POLA2: variants seen among roughly 807,000 people sequenced by gnomAD.
POLA2 encodes the protein DNA polymerase alpha subunit B.
Under a neutral mutation model 82.8 loss-of-function variants are expected in POLA2, and 47 were observed. The observed-to-expected ratio is 0.57, with a 90% confidence interval of 0.45 to 0.72. The LOEUF is 0.72. POLA2 is among the 30% of genes least tolerant of loss of function. POLA2 has a pLI of 0.00. For missense variants in POLA2, 634 were observed against 728.1 expected, an observed-to-expected ratio of 0.87 and a Z score of 1.49; for synonymous variants, 287 against 286.8, an observed-to-expected ratio of 1.00 and a Z score of -0.01.
At position 65,262,387 on chromosome 11, in the gene POLA2, C is replaced by G. The variant is rs528275866; in HGVS notation, c.79+16C>G. On this transcript the variant is annotated intron_variant, in intron 1 of 17. Coordinates refer to ENST00000265465, the MANE Select transcript of POLA2 (RefSeq NM_002689.4). Reference sequence around the variant, plus strand: ...ATTGAGAAATGTGAGTCCCGCACCCCTCCCGCCCTGCAGCCGTGCTCCACG... The same window carrying G: ...ATTGAGAAATGTGAGTCCCGCACCCGTCCCGCCCTGCAGCCGTGCTCCACG... 6.2e-7 allele frequency: 1 copy of G among 1,602,770 alleles called. No individual in the cohort carries two copies. Among genetic ancestry groups the G allele is most frequent in the African/African-American group, 1.3e-5 (1 of 74,558 alleles).
At chr11:65,279,742 T>A in intron 7 of POLA2, 116 bp downstream of exon 7, 2 of 725,746 alleles carry the variant, frequency 2.8e-6, no homozygotes, top group Non-Finnish European at 4.6e-6. Flanking sequence ...TTTGAACATC[T>A]GTCTTGGTTG....
chr11:65,289,988 C>G, intron 13 of POLA2, 116 bp downstream of exon 13: 1 of 653,436 alleles, frequency 1.5e-6, no homozygotes, highest in Non-Finnish European at 2.7e-6. Context: ...GTGGATCACA[C>G]CTGTAATCCC....
chr11:65,277,411 C>T (rs1949593345), intron 5 of POLA2, among the ~76,000 whole-genome samples: 1 of 152,136 alleles, frequency 6.6e-6, no homozygotes. Flanking sequence ...CTCCTGGCCT[C>T]AAGCAATCTG....
rs1949791766 is a variant in POLA2, at chr11:65,294,690, G to C, written c.1460+38G>C. ...TTCCAGGCCCCAAGCAGGATGACTG[G>C]CTTTCTGGTCCCAGCCCTTTCTGCA... is the stretch of plus-strand genomic sequence containing the variant. On this transcript the variant is annotated intron_variant, in intron 15 of 17. Coordinates refer to ENST00000265465, the MANE Select transcript of POLA2 (RefSeq NM_002689.4). 2.9e-6 allele frequency: 4 copies of C among 1,398,050 alleles called. No individual in the cohort carries two copies. The East Asian group carries it at 6.9e-5, about 24-fold the overall frequency. The allele number at this position is 1,398,050 out of a possible 1,614,324, so 86.6% of individuals were successfully genotyped here.
intron 4 of POLA2, among the ~76,000 whole-genome samples, chr11:65,273,335 CA>C (rs1565472667): frequency 6.6e-6 from 1 of 152,016 alleles, no homozygotes; most frequent in Non-Finnish European, 1.5e-5. Context: ...ACAACAACAA[CA>C]AAAAAACATG....
chr11:65,292,809 G>A (rs1358859979), intron 13 of POLA2, among the ~76,000 whole-genome samples: 2 of 152,232 alleles, frequency 1.3e-5, no homozygotes, highest in Non-Finnish European at 2.9e-5. Flanking sequence ...ATGTATGCCT[G>A]AGAAGTCCAC....
At chr11:65,300,940 A>T (rs974142416), downstream of POLA2, among the ~76,000 whole-genome samples, 5 of 152,222 alleles carry the variant, frequency 3.3e-5, no homozygotes, top group Non-Finnish European at 7.3e-5. Context: ...AGCAGCATGT[A>T]TCAGTCCGCC....
At chr11:65,266,834 T>C in intron 2 of POLA2, 128 bp downstream of exon 2, 1 of 841,246 alleles carries the variant, frequency 1.2e-6, no homozygotes, top group Non-Finnish European at 1.9e-6. Flanking sequence ...CAGTGTGAGC[T>C]TGGACAAACT....
intron 5 of POLA2, among the ~76,000 whole-genome samples, chr11:65,277,977 A>T (rs1009519896): frequency 2.6e-5 from 4 of 152,230 alleles, no homozygotes; most frequent in Admixed American, 6.5e-5. Context: ...CCCCACATAA[A>T]ACTGGTTCCC....
At chr11:65,295,777 G>A in intron 16 of POLA2, 87 bp from the exon 17 acceptor site, 1 of 1,511,686 alleles carries the variant, frequency 6.6e-7, no homozygotes, top group Non-Finnish European at 9.1e-7. Flanking sequence ...GATGCCAGCA[G>A]CACGAAAGCC....
intron 1 of POLA2, among the ~76,000 whole-genome samples, chr11:65,265,152 C>T (rs1054126928): frequency 4.7e-5 from 7 of 147,600 alleles, no homozygotes; most frequent in Non-Finnish European, 6.0e-5. Flanking sequence ...TCGCTTGAAT[C>T]GGGGAGGTGG....
chr11:65,278,287 C>T (rs1190307494), intron 5 of POLA2, among the ~76,000 whole-genome samples: 1 of 152,082 alleles, frequency 6.6e-6, no homozygotes, highest in Non-Finnish European at 1.5e-5. Flanking sequence ...TACCTTGAAC[C>T]ATATTGTGAG....
intron 13 of POLA2, among the ~76,000 whole-genome samples, chr11:65,293,027 C>A (rs1201739756): frequency 6.6e-6 from 1 of 152,204 alleles, no homozygotes; most frequent in Non-Finnish European, 1.5e-5. Context: ...CTTTCTTCTT[C>A]ACTTGTATGT....
Position 65,282,575 on chromosome 11 carries a change from T to A in POLA2, c.1006+54T>A, listed in dbSNP as rs191119371. On this transcript the variant is annotated intron_variant, in intron 10 of 17. Transcript: ENST00000265465. ...CAACAATGAGGATGGTAGACATGAG[T>A]CCAGGAGTGCAGTTTCCCAAGCCCA... is the stretch of plus-strand genomic sequence containing the variant. 176 of 1,455,220 alleles carry A rather than the reference T, an allele frequency of 1.2e-4. 2 individuals are homozygous for A. The Admixed American group carries it at 2.9e-3, about 24-fold the overall frequency. The allele number at this position is 1,455,220 out of a possible 1,614,324, so 90.1% of individuals were successfully genotyped here.
intron 10 of POLA2, among the ~76,000 whole-genome samples, chr11:65,285,977 G>A (rs1264379464): frequency 6.6e-6 from 1 of 152,136 alleles, no homozygotes; most frequent in Non-Finnish European, 1.5e-5. Flanking sequence ...CACAGCCCCA[G>A]GAATCCCTGG....
At chr11:65,290,947 G>C (rs901553715) in intron 13 of POLA2, among the ~76,000 whole-genome samples, 4 of 152,242 alleles carry the variant, frequency 2.6e-5, no homozygotes, top group African/African-American at 9.6e-5. Context: ...CTCAGTGAGG[G>C]TGGGGCCTTG....
At chr11:65,290,234 G>C (rs1252687393) in intron 13 of POLA2, among the ~76,000 whole-genome samples, 2 of 121,946 alleles carry the variant, frequency 1.6e-5, no homozygotes, top group Non-Finnish European at 3.3e-5. Context: ...GGCAAAAAGA[G>C]CGCAACTCCA....
In POLA2 at chr11:65,261,967, T is replaced by A. The variant is rs1287240181; in HGVS notation, c.-326T>A. On this transcript the variant is annotated 5_prime_UTR_variant, in exon 1 of 18. Coordinates refer to ENST00000265465, the MANE Select transcript of POLA2 (RefSeq NM_002689.4). ...GCGGGTTTTTCCGGCCACTCAGTTC[T>A]GCCACCGTCACTGAGAAGCTCAGCG... 1 of 408,894 alleles carries A rather than the reference T, an allele frequency of 2.4e-6. No homozygotes were observed. The highest frequency in any genetic ancestry group is 4.9e-5 in the East Asian group (1 of 20,210). The allele number at this position is 408,894 out of a possible 1,614,324, so 25.3% of individuals were successfully genotyped here. A position where few individuals can be genotyped will look rare whatever the true frequency, so the allele number is the denominator to read the frequency against.
At chr11:65,299,702 AC>A (rs1949848704), downstream of POLA2, among the ~76,000 whole-genome samples, 1 of 151,208 alleles carries the variant, frequency 6.6e-6, no homozygotes, top group African/African-American at 2.4e-5. Context: ...CACTCCACCA[AC>A]CCCACCCCGA....
Sources: gnomAD v4.1 joint callset for allele counts (sites outside exome capture counted in the v4.1 genomes callset) on GRCh38, gnomAD v4.1.1 for gene constraint, MANE v1.5 for transcripts, NCBI Gene and HGNC (gene_info 2026-07-23, HGNC 2026-07-21) for gene names.